The following RALGAPA1 variants were observed in gnomAD, a reference collection of about 807,000 sequenced individuals.
The protein encoded by RALGAPA1 is ral GTPase-activating protein subunit alpha-1.
RALGAPA1 carries 52 observed loss-of-function variants against 269.6 expected under a neutral mutation model. The ratio of observed to expected loss-of-function variants is 0.19; its 90% confidence interval spans 0.15 to 0.24. The LOEUF (loss-of-function observed/expected upper bound fraction) is 0.24, where lower values mean the gene tolerates loss of function less well. RALGAPA1 is among the 10% of genes least tolerant of loss of function. The pLI, the probability that RALGAPA1 is intolerant of heterozygous loss-of-function variation, is 1.00. For synonymous variants in RALGAPA1, 817 were observed against 1,008.3 expected (o/e 0.81, Z 3.60); for missense variants, 1,917 against 3,013.9 (o/e 0.64, Z 8.52).
At chr14:35,789,665 T>G (rs549564658) in intron 1 of RALGAPA1, among the ~76,000 whole-genome samples, 13 of 152,278 alleles carry the variant, frequency 8.5e-5, no homozygotes, top group Admixed American at 2.0e-4. Context: ...TCACCCCCAC[T>G]GTCTGTAGAA....
In RALGAPA1 at chr14:35,627,818, G is replaced by C. The variant is rs370666498; in HGVS notation, c.6129C>G (p.His2043Gln). 6.3e-7 allele frequency: 1 copy of C among 1,577,708 alleles called. No individual in the cohort carries two copies. Among genetic ancestry groups the C allele is most frequent in the East Asian group, 2.2e-5 (1 of 44,740 alleles). ...CAGTACTTTCACTGTAATGATTGTC[G>C]TGATTTTCACACACCTGACTTGTTA... Reference protein sequence around the residue: ...AMLTSQVCENHDNHYSESTEL... With the variant: ...AMLTSQVCENQDNHYSESTEL... The change falls in exon 34 of 42, where the codon CAC becomes CAG. Residue 2043 changes from histidine to glutamine, a missense_variant. Transcript: ENST00000680220.
At chr14:35,564,856 T>C (rs932061814) in intron 39 of RALGAPA1, among the ~76,000 whole-genome samples, 3 of 151,884 alleles carry the variant, frequency 2.0e-5, no homozygotes, top group Admixed American at 2.0e-4. Flanking sequence ...GAGGCCCAGA[T>C]TTTCTAAACA....
intron 12 of RALGAPA1, among the ~76,000 whole-genome samples, chr14:35,736,687 T>C (rs2071024304): frequency 6.6e-6 from 1 of 152,172 alleles, no homozygotes; most frequent in Non-Finnish European, 1.5e-5. Context: ...AATGTACATC[T>C]GATTTAACAA....
intron 11 of RALGAPA1, among the ~76,000 whole-genome samples, chr14:35,741,646 A>C (rs764171306): frequency 6.6e-6 from 1 of 152,216 alleles, no homozygotes; most frequent in Non-Finnish European, 1.5e-5. Context: ...ATCGCAGACA[A>C]CTTTATGGTG....
intron 27 of RALGAPA1, among the ~76,000 whole-genome samples, chr14:35,660,082 A>C (rs1163870218): frequency 6.6e-6 from 1 of 152,100 alleles, no homozygotes; most frequent in East Asian, 1.9e-4. Context: ...AACAGCGAAA[A>C]GCTGAAAGGT....
intron 4 of RALGAPA1, among the ~76,000 whole-genome samples, chr14:35,768,479 C>T (rs746924611): frequency 5.9e-5 from 9 of 152,066 alleles, no homozygotes; most frequent in Admixed American, 1.3e-4. Context: ...GGCTTGAAGC[C>T]GGAGGTTTGA....
intron 35 of RALGAPA1, among the ~76,000 whole-genome samples, chr14:35,625,098 C>T (rs553873180): frequency 3.1e-5 from 4 of 128,294 alleles, no homozygotes; most frequent in East Asian, 5.0e-4. Context: ...GGAGGCTGAG[C>T]GGAGATCATG....
At position 35,549,095 on chromosome 14, in the gene RALGAPA1, C is replaced by T. The variant is rs369370868; in HGVS notation, c.7621+15G>A. ...GTTCCAATAACAAGTAACTAATACT[C>T]GCTTTTAATCTTACCGGCATCAGAT... is the stretch of plus-strand genomic sequence containing the variant. On this transcript the variant is annotated intron_variant, in intron 40 of 41. Coordinates refer to ENST00000680220, the MANE Select transcript of RALGAPA1 (RefSeq NM_001346249.2). 4 of 1,607,106 alleles carry T rather than the reference C, an allele frequency of 2.5e-6. No individual in the cohort carries two copies. Among genetic ancestry groups the T allele is most frequent in the Non-Finnish European group, 3.4e-6 (4 of 1,176,730 alleles).
chr14:35,574,965 T>TA, intron 37 of RALGAPA1, among the ~76,000 whole-genome samples: 1 of 151,750 alleles, frequency 6.6e-6, no homozygotes, highest in South Asian at 2.1e-4. Flanking sequence ...CCATCTCTAC[T>TA]AAAAATACAA....
intron 17 of RALGAPA1, 90 bp downstream of exon 17, chr14:35,700,072 T>C (rs2067219459): frequency 4.2e-6 from 5 of 1,198,532 alleles, no homozygotes; most frequent in Non-Finnish European, 4.5e-6. Context: ...AGAAATTAAC[T>C]TTAAAGAGTT....
chr14:35,721,680 G>A lies in RALGAPA1; in HGVS notation c.2266+8C>T. The A allele has an allele frequency of 6.2e-7, 1 of 1,611,406 alleles. No homozygotes were observed. The highest frequency in any genetic ancestry group is 8.5e-7 in the Non-Finnish European group (1 of 1,179,052). On this transcript the variant is annotated splice_region_variant and intron_variant, in intron 16 of 41. Coordinates refer to ENST00000680220, the MANE Select transcript of RALGAPA1 (RefSeq NM_001346249.2). ...TGTACCATTCTCATGATTTTCAAGA[G>A]TACATACCGACAGTTTTTTGCCGTA...
chr14:35,779,820 C>T (rs1008022422), intron 1 of RALGAPA1, among the ~76,000 whole-genome samples: 2 of 152,210 alleles, frequency 1.3e-5, no homozygotes, highest in East Asian at 1.9e-4. Context: ...CTTTCTAACG[C>T]TAATAAAAAT....
intron 31 of RALGAPA1, among the ~76,000 whole-genome samples, chr14:35,636,257 A>C (rs1361647271): frequency 6.6e-6 from 1 of 152,236 alleles, no homozygotes; most frequent in Non-Finnish European, 1.5e-5. Context: ...CACTTTTTAT[A>C]CAAAATGTAG....
chr14:35,664,369 G>A (rs2063768616), intron 27 of RALGAPA1, among the ~76,000 whole-genome samples: 1 of 152,012 alleles, frequency 6.6e-6, no homozygotes, highest in African/African-American at 2.4e-5. Flanking sequence ...TGGCTCATGG[G>A]GTATTTCAAT....
At chr14:35,762,187 C>G (rs2073762260) in intron 5 of RALGAPA1, among the ~76,000 whole-genome samples, 1 of 151,934 alleles carries the variant, frequency 6.6e-6, no homozygotes, top group African/African-American at 2.4e-5. Context: ...CAAAGTACAA[C>G]AGTTTTTTCA....
intron 37 of RALGAPA1, among the ~76,000 whole-genome samples, chr14:35,584,633 G>A (rs774624046): frequency 7.9e-5 from 12 of 152,062 alleles, no homozygotes; most frequent in Non-Finnish European, 1.6e-4. Context: ...AAACTCTACA[G>A]CAATCACTAA....
chr14:35,622,788 C>G (rs2060720430), intron 35 of RALGAPA1, among the ~76,000 whole-genome samples: 1 of 152,132 alleles, frequency 6.6e-6, no homozygotes, highest in South Asian at 2.1e-4. Flanking sequence ...ATAATTACCA[C>G]CTCAATGAAA....
At chr14:35,641,261 A>G (rs926229455) in intron 31 of RALGAPA1, among the ~76,000 whole-genome samples, 15 of 152,288 alleles carry the variant, frequency 9.8e-5, no homozygotes, top group African/African-American at 3.4e-4. Flanking sequence ...GACAAGAGAG[A>G]GAAATAAAGG....
intron 33 of RALGAPA1, among the ~76,000 whole-genome samples, chr14:35,629,886 T>C (rs2061243431): frequency 1.3e-5 from 2 of 152,316 alleles, no homozygotes; most frequent in East Asian, 3.9e-4. Context: ...TATATAATTG[T>C]GTAACCACCA....
Sources: allele counts gnomAD v4.1 joint callset (sites outside exome capture counted in the v4.1 genomes callset), GRCh38; gene constraint gnomAD v4.1.1; transcripts MANE v1.5; gene names NCBI Gene and HGNC (gene_info 2026-07-23, HGNC 2026-07-21).